The following RGS4 variants were observed in gnomAD, a reference collection of about 807,000 sequenced individuals.
The protein encoded by RGS4 is regulator of G protein signaling 4, also known as schizophrenia disorder 9.
In RGS4, 15 loss-of-function variants were observed where a neutral mutation model predicts 21.6. The observed-to-expected ratio is 0.69, with a 90% CI of 0.46 to 1.07. The LOEUF (loss-of-function observed/expected upper bound fraction) is 1.07, where lower values mean the gene tolerates loss of function less well. Ranked by LOEUF, RGS4 falls within the 50% of genes least tolerant of loss-of-function variation. RGS4 has a pLI of 0.00. For synonymous variants in RGS4, 94 were observed against 85.5 expected, an observed-to-expected ratio of 1.10 and a Z score of -0.55; for missense variants, 237 against 239.0, an observed-to-expected ratio of 0.99 and a Z score of 0.06.
chr1:163,071,622 G>A (rs1655305457), intron 1 of RGS4, among the ~76,000 whole-genome samples: 1 of 151,962 alleles, frequency 6.6e-6, no homozygotes, highest in South Asian at 2.1e-4. Context: ...GATGACTCTA[G>A]CCTGCTTCTC....
At chr1:163,072,613 C>T in intron 2 of RGS4, 114 bp downstream of exon 2, 1 of 905,864 alleles carries the variant, frequency 1.1e-6, no homozygotes, top group South Asian at 1.6e-5. Context: ...TCAAGATAGC[C>T]TCCATTTTCA....
At chr1:163,069,147 C>A, upstream of RGS4, 1 of 1,496,626 alleles carries the variant, frequency 6.7e-7, no homozygotes, top group Non-Finnish European at 8.9e-7. Flanking sequence ...TTGGTGGAGA[C>A]ATTGAGTACA....
rs774278771 is a variant in RGS4 at position 163,069,526 on chromosome 1, G to A, written c.42G>A (p.Arg14=). 1.9e-6 allele frequency: 3 copies of A among 1,612,362 alleles called. No homozygotes were observed. The highest frequency in any genetic ancestry group is 2.7e-5 in the African/African-American group (2 of 74,792). The stretch of plus-strand genomic sequence containing the variant: ...CAGGTCTGCCGGCTTCTTGCTTGAG[G>A]AGGTAAGATTGCTTTCAGCCATTAA... The part of the protein sequence containing the change: ...GLAGLPASCL[R]SAKDMKHRLG... Residue 14 remains arginine (R), a splice_region_variant and synonymous_variant, in exon 1 of 5, where the codon AGG becomes AGA. Transcript: ENST00000367909.
Position 163,069,436 on chromosome 1 carries a change from CTCCTGCCGCATTTCTT to C in RGS4, c.-42_-27del, listed in dbSNP as rs748509136. 5 of 1,612,852 alleles carry C rather than the reference CTCCTGCCGCATTTCTT, an allele frequency of 3.1e-6. No homozygotes were observed. In the Admixed American group the frequency reaches 5.0e-5, roughly 16 times the overall value. On this transcript the variant is annotated 5_prime_UTR_variant, in exon 1 of 5. Coordinates refer to ENST00000367909, the MANE Select transcript of RGS4 (RefSeq NM_005613.6). ...ACGCTCAAAGCCGAAGCCACAGCTC[CTCCTGCCGCATTTCTT>C]TCCTGCTTGCGAATTCCAAGCTGTT...
chr1:163,069,291 C>G, upstream of RGS4: 1 of 1,551,238 alleles, frequency 6.4e-7, no homozygotes. Context: ...GCTGGTACTG[C>G]AGAGCGGTCG....
At chr1:163,073,762 T>C (rs1220136235) in intron 4 of RGS4, 140 bp downstream of exon 4, 1 of 582,538 alleles carries the variant, frequency 1.7e-6, no homozygotes, top group East Asian at 3.0e-5. Flanking sequence ...TTTCTACGTG[T>C]TGAGAACATT....
intron 1 of RGS4, chr1:163,071,861 C>CA (rs1553205250): frequency 3.9e-5 from 1 of 25,712 alleles, no homozygotes; most frequent in Non-Finnish European, 2.0e-4. Context: ...GCTTGCCCCC[C>CA]CCCCCCCCCC....
At chr1:163,071,947 A>T (rs1408330618) in intron 1 of RGS4, 1 of 977,964 alleles carries the variant, frequency 1.0e-6, no homozygotes, top group Non-Finnish European at 1.2e-6. Context: ...CCAGCAGGGG[A>T]ACAGATGGAA....
In RGS4 at chr1:163,072,452, A is replaced by C; in HGVS notation, c.102A>C (p.Glu34Asp). 6.2e-7 allele frequency: 1 copy of C among 1,613,264 alleles called. No individual in the cohort carries two copies. Among genetic ancestry groups the C allele is most frequent in the Non-Finnish European group, 8.5e-7 (1 of 1,179,524 alleles). ...GFLLQKSDSC[E>D]HNSSHNKKDK... is the part of the protein sequence containing the mutation. ...TGCTGCAAAAATCTGATTCCTGTGA[A>C]CACAATTCTTCCCACAACAAGAAGG... The change falls in exon 2 of 5, where the codon GAA (glutamate) becomes GAC (aspartate). Residue 34 changes from glutamate (E) to aspartate (D), a missense_variant. Physicochemically the swap from Glu to Asp is conservative, Grantham distance 45 (BLOSUM62 2). Coordinates refer to ENST00000367909, the MANE Select transcript of RGS4 (RefSeq NM_005613.6).
rs747454979 is a variant in RGS4 at position 163,073,518 on chromosome 1, T to A, written c.274T>A (p.Trp92Arg). ...SEYSEENIDFWISCEEYKKIK... is the reference protein window; with the variant it reads ...SEYSEENIDFRISCEEYKKIK... ...ATATAGTGAGGAGAATATTGACTTCTGGATCAGCTGTGAAGAGTACAAGAA... is the reference window on the plus strand; with the variant it reads ...ATATAGTGAGGAGAATATTGACTTCAGGATCAGCTGTGAAGAGTACAAGAA... The change falls in exon 4 of 5, where the codon TGG becomes AGG. Residue 92 changes from tryptophan (W) to arginine (R), a missense_variant. Physicochemically the swap from Trp to Arg is moderately radical, Grantham distance 101 (BLOSUM62 -3). Coordinates refer to ENST00000367909, the MANE Select transcript of RGS4 (RefSeq NM_005613.6). 1 of 1,609,020 alleles carries A rather than the reference T, an allele frequency of 6.2e-7. No individual in the cohort carries two copies. The highest frequency in any genetic ancestry group is 1.7e-5 in the Admixed American group (1 of 58,712).
intron 1 of RGS4, among the ~76,000 whole-genome samples, chr1:163,071,352 T>C (rs1410623711): frequency 6.6e-6 from 1 of 152,144 alleles, no homozygotes; most frequent in Non-Finnish European, 1.5e-5. Flanking sequence ...CCATCCTAAA[T>C]GTCTTTATAT....
At chr1:163,069,171 C>T (rs1220765180), upstream of RGS4, 26 of 1,499,042 alleles carry the variant, frequency 1.7e-5, no homozygotes, top group Non-Finnish European at 2.2e-5. Flanking sequence ...TTTCCCATAT[C>T]CCTACTTTTC....
upstream of RGS4, chr1:163,068,918 G>T: frequency 6.5e-7 from 1 of 1,542,426 alleles, no homozygotes; most frequent in Non-Finnish European, 8.9e-7. Flanking sequence ...GAAATCGTGA[G>T]GATCAGATCT....
At chr1:163,074,117 G>A in intron 4 of RGS4, 2 of 614,844 alleles carry the variant, frequency 3.3e-6, no homozygotes, top group African/African-American at 1.8e-5. Flanking sequence ...AGAAGATCTT[G>A]CCCTGCTCTC....
upstream of RGS4, chr1:163,069,267 A>G (rs1209167999): frequency 3.2e-6 from 5 of 1,550,738 alleles, no homozygotes; most frequent in Non-Finnish European, 4.4e-6. Context: ...GGAGAGGCAG[A>G]GGGAGACAGA....
chr1:163,069,610 A>T (rs1655238986), intron 1 of RGS4, 82 bp downstream of exon 1: 1 of 1,138,092 alleles, frequency 8.8e-7, no homozygotes, highest in Non-Finnish European at 1.3e-6. Context: ...TTACTAACCT[A>T]GTTCTGTGCA....
chr1:163,074,679 G>A lies in RGS4; in HGVS notation c.*119G>A. 7.1e-7 allele frequency: 1 copy of A among 1,417,658 alleles called. No individual in the cohort carries two copies. The highest frequency in any genetic ancestry group is 9.9e-7 in the Non-Finnish European group (1 of 1,008,832). The allele number at this position is 1,417,658 out of a possible 1,614,324, so 87.8% of individuals were successfully genotyped here. ...ATCCACATTGTAGCCTAATATTCAT[G>A]CTGCCTGCCATGTGTGAGTCACTTC... On this transcript the variant is annotated 3_prime_UTR_variant, in exon 5 of 5. Transcript: ENST00000367909.
Position 163,072,359 on chromosome 1 carries a change from T to A in RGS4, c.45-36T>A, listed in dbSNP as rs376014169. The A allele has an allele frequency of 2.5e-4, 364 of 1,451,348 alleles. 2 individuals carry two copies. The African/African-American group carries it at 4.2e-3, about 17-fold the overall frequency. The allele number at this position is 1,451,348 out of a possible 1,614,324, so 89.9% of individuals were successfully genotyped here. On this transcript the variant is annotated intron_variant, in intron 1 of 4. Transcript: ENST00000367909. ...TAGGTATCTTTTAAAGAAAGCTGGTTATTACTATTTATTCATTTTTTTCTC... is the reference window on the plus strand; with the variant it reads ...TAGGTATCTTTTAAAGAAAGCTGGTAATTACTATTTATTCATTTTTTTCTC...
chr1:163,075,429 G>A lies in RGS4; in HGVS notation c.*869G>A, dbSNP rs1421033278. On this transcript the variant is annotated 3_prime_UTR_variant, in exon 5 of 5. Coordinates refer to ENST00000367909, the MANE Select transcript of RGS4 (RefSeq NM_005613.6). The stretch of plus-strand genomic sequence containing the variant: ...TAGCTCCCTTGAGCTGGTTTTCTCT[G>A]ATGGCACTTTTGAGCTCCTAAGCTG... 1 of 152,282 alleles carries A rather than the reference G, an allele frequency of 6.6e-6. No homozygotes were observed. Among genetic ancestry groups the A allele is most frequent in the East Asian group, 1.9e-4 (1 of 5,172 alleles). 9.4% of individuals were successfully genotyped at this position (152,282 alleles called of 1,614,324 possible).
Sources: gnomAD v4.1 joint callset for allele counts (sites outside exome capture counted in the v4.1 genomes callset) on GRCh38, gnomAD v4.1.1 for gene constraint, MANE v1.5 for transcripts, NCBI Gene and HGNC (gene_info 2026-07-23, HGNC 2026-07-21) for gene names.